The following PRKG1 variants were observed in gnomAD, a reference collection of about 807,000 sequenced individuals.
The protein encoded by PRKG1 is cGMP-dependent protein kinase 1.
In PRKG1, 35 loss-of-function variants were observed where a neutral mutation model predicts 88.1. The ratio of observed to expected loss-of-function variants is 0.40; its 90% CI spans 0.30 to 0.53. PRKG1 has a LOEUF of 0.53. Ranked by LOEUF, PRKG1 falls within the 20% of genes least tolerant of loss-of-function variation. The pLI is 0.59. For synonymous variants in PRKG1, 303 were observed against 292.5 expected, an observed-to-expected ratio of 1.04 and a Z score of -0.37; for missense variants, 540 against 839.8, an observed-to-expected ratio of 0.64 and a Z score of 4.41.
chr10:51,470,781 A>G (rs1000776226), intron 3 of PRKG1, among the ~76,000 whole-genome samples: 10 of 151,952 alleles, frequency 6.6e-5, no homozygotes, highest in African/African-American at 2.2e-4. Context: ...GACATATGCT[A>G]TAAAATATGA....
At chr10:51,962,895 G>C (rs1437275841) in intron 5 of PRKG1, among the ~76,000 whole-genome samples, 1 of 152,308 alleles carries the variant, frequency 6.6e-6, no homozygotes, top group South Asian at 2.1e-4. Flanking sequence ...GGTGAGATGA[G>C]TGGGGGAAAT....
chr10:51,100,379 C>T (rs1844649248), intron 1 of PRKG1, among the ~76,000 whole-genome samples: 1 of 152,152 alleles, frequency 6.6e-6, no homozygotes, highest in South Asian at 2.1e-4. Context: ...GTGGCAATGA[C>T]TTAAGAAACC....
intron 9 of PRKG1, among the ~76,000 whole-genome samples, chr10:52,203,882 C>T (rs1839740742): frequency 6.6e-6 from 1 of 152,054 alleles, no homozygotes; most frequent in South Asian, 2.1e-4. Context: ...AGATTTTTCT[C>T]CATCCCTTTA....
chr10:51,166,817 A>T (rs1846556282), intron 2 of PRKG1, among the ~76,000 whole-genome samples: 2 of 152,146 alleles, frequency 1.3e-5, no homozygotes, highest in South Asian at 4.2e-4. Flanking sequence ...GGTGGTAGAG[A>T]TAAAGCGGGG....
At chr10:51,202,579 C>T (rs191510949) in intron 2 of PRKG1, among the ~76,000 whole-genome samples, 8 of 152,188 alleles carry the variant, frequency 5.3e-5, no homozygotes, top group African/African-American at 1.4e-4. Context: ...TAAAGGAATG[C>T]GTAGTCTAAC....
At chr10:51,989,638 A>G (rs563021162) in intron 5 of PRKG1, among the ~76,000 whole-genome samples, 26 of 152,148 alleles carry the variant, frequency 1.7e-4, no homozygotes, top group Non-Finnish European at 2.9e-5. Context: ...TTCCTCTAGG[A>G]CCCATGAAGG....
At chr10:51,353,962 C>T (rs1182735811) in intron 2 of PRKG1, among the ~76,000 whole-genome samples, 2 of 151,890 alleles carry the variant, frequency 1.3e-5, no homozygotes, top group Non-Finnish European at 2.9e-5. Flanking sequence ...ACTATTCCAC[C>T]ATAAAAAGGA....
intron 2 of PRKG1, among the ~76,000 whole-genome samples, chr10:51,262,563 G>A (rs10996399): frequency 0.022 from 3,383 of 152,138 alleles, 122 homozygotes; most frequent in African/African-American, 0.077. Context: ...GTTTGACATC[G>A]TATAAAGCCC....
At chr10:51,665,748 T>A (rs942760026) in intron 3 of PRKG1, among the ~76,000 whole-genome samples, 5 of 152,096 alleles carry the variant, frequency 3.3e-5, no homozygotes, top group Non-Finnish European at 7.4e-5. Flanking sequence ...TTTTTTAAAA[T>A]GTATGCTGCT....
At chr10:51,051,004 GT>G (rs1843553872) in intron 1 of PRKG1, among the ~76,000 whole-genome samples, 1 of 150,230 alleles carries the variant, frequency 6.7e-6, no homozygotes, top group Non-Finnish European at 1.5e-5. Flanking sequence ...TTTATTTTTT[GT>G]TTTTTGTTTT....
At chr10:52,025,757 G>T (rs1229090633) in intron 5 of PRKG1, among the ~76,000 whole-genome samples, 1 of 151,824 alleles carries the variant, frequency 6.6e-6, no homozygotes, top group Admixed American at 6.6e-5. Flanking sequence ...AAGTCAGGTA[G>T]AGTGATGCCT....
chr10:51,811,436 A>G (rs1005531440), intron 4 of PRKG1, among the ~76,000 whole-genome samples: 2 of 152,026 alleles, frequency 1.3e-5, no homozygotes, highest in African/African-American at 4.8e-5. Context: ...TTGATATTTT[A>G]ATTGTATTTT....
intron 9 of PRKG1, among the ~76,000 whole-genome samples, chr10:52,216,110 G>T (rs1387450798): frequency 6.6e-6 from 1 of 152,216 alleles, no homozygotes; most frequent in Non-Finnish European, 1.5e-5. Context: ...AGACTTGGGA[G>T]ATTCTTCAGA....
intron 2 of PRKG1, among the ~76,000 whole-genome samples, chr10:51,303,421 C>T (rs1840946408): frequency 6.6e-6 from 1 of 151,750 alleles, no homozygotes; most frequent in Admixed American, 6.6e-5. Flanking sequence ...CTCATGTGTG[C>T]GCTGTCAGTG....
At position 51,767,225 on chromosome 10, in the gene PRKG1, A is replaced by G. The variant is rs1838187257; in HGVS notation, c.593-37360A>G. Reference sequence around the variant, plus strand: ...TGCCAAGATTAGAAGATAGGCGGAGATTGGCGTAAATGCACATATACTCAC... The same window carrying G: ...TGCCAAGATTAGAAGATAGGCGGAGGTTGGCGTAAATGCACATATACTCAC... On this transcript the variant is annotated intron_variant, in intron 3 of 17. Coordinates refer to ENST00000373980, the MANE Select transcript of PRKG1 (RefSeq NM_006258.4). Among the ~76,000 whole-genome samples the G allele has an allele frequency of 2.0e-5, 3 of 152,122 alleles. No homozygotes were observed. The South Asian group carries it at 6.2e-4, about 32-fold the overall frequency.
Position 52,204,073 on chromosome 10 carries a change from GTTATTA to G in PRKG1, c.1076+42140_1076+42145del, listed in dbSNP as rs140296072. Among the ~76,000 whole-genome samples the G allele has an allele frequency of 5.6e-3, 420 of 75,356 alleles. 2 individuals carry two copies. Among genetic ancestry groups the G allele is most frequent in the African/African-American group, 0.013 (393 of 29,626 alleles). The allele number at this position is 75,356 out of a possible 152,430, so 49.4% of individuals were successfully genotyped here. ...GATCCTGTCACCATGTTGTTCGCTG[GTTATTA>G]TTATTATTATTATTATTATTATTAT... On this transcript the variant is annotated intron_variant, in intron 9 of 17. Transcript: ENST00000373980.
chr10:51,542,771 G>C (rs1283597843), intron 3 of PRKG1, among the ~76,000 whole-genome samples: 1 of 152,176 alleles, frequency 6.6e-6, no homozygotes, highest in Non-Finnish European at 1.5e-5. Context: ...AGGAGAGAGA[G>C]CACCAGGCTA....
intron 3 of PRKG1, among the ~76,000 whole-genome samples, chr10:51,650,165 GT>G (rs1400287880): frequency 6.6e-6 from 1 of 152,140 alleles, no homozygotes; most frequent in Non-Finnish European, 1.5e-5. Flanking sequence ...TATTCACGAG[GT>G]GCTCAGGAGA....
rs184253307 is a variant in PRKG1, at chr10:51,722,350, T to C, written c.593-82235T>C. Among the ~76,000 whole-genome samples the C allele has an allele frequency of 2.6e-4, 39 of 152,250 alleles. 1 individual carries two copies. The highest frequency in any genetic ancestry group is 9.4e-4 in the African/African-American group (39 of 41,562). On this transcript the variant is annotated intron_variant, in intron 3 of 17. Transcript: ENST00000373980. ...TAAACTGTGGACAATTTACCTTCTA[T>C]TTGCATGACAACATACCTGGTGCCT...
Sources: gnomAD v4.1 joint callset for allele counts (sites outside exome capture counted in the v4.1 genomes callset) on GRCh38, gnomAD v4.1.1 for gene constraint, MANE v1.5 for transcripts, NCBI Gene and HGNC (gene_info 2026-07-23, HGNC 2026-07-21) for gene names.